Variants in PDGFD observed in about 807,000 individuals in gnomAD.
PDGFD encodes platelet derived growth factor D, also known as platelet-derived growth factor D.
PDGFD carries 30 observed loss-of-function variants against 44.7 expected under a neutral mutation model. The ratio of observed to expected loss-of-function variants is 0.67; its 90% confidence interval spans 0.50 to 0.91. The LOEUF is 0.91. Ranked by LOEUF, PDGFD falls within the 40% of genes least tolerant of loss-of-function variation. The pLI is 0.00. For synonymous variants in PDGFD, 173 were observed against 168.4 expected, an observed-to-expected ratio of 1.03 and a Z score of -0.21; for missense variants, 445 against 457.8, an observed-to-expected ratio of 0.97 and a Z score of 0.25.
At chr11:104,091,659 AC>A (rs1456857850) in intron 1 of PDGFD, among the ~76,000 whole-genome samples, 1 of 152,130 alleles carries the variant, frequency 6.6e-6, no homozygotes, top group East Asian at 1.9e-4. Flanking sequence ...GCGAAGACTT[AC>A]TCCTTAGGAA....
chr11:104,069,815 G>A (rs574692833), intron 1 of PDGFD, among the ~76,000 whole-genome samples: 2 of 152,160 alleles, frequency 1.3e-5, no homozygotes, highest in Admixed American at 6.5e-5. Context: ...AGTCTAGCTC[G>A]TGCCACTGCA....
chr11:104,064,417 C>T (rs1003691847), intron 1 of PDGFD, among the ~76,000 whole-genome samples: 3 of 152,186 alleles, frequency 2.0e-5, no homozygotes, highest in Non-Finnish European at 2.9e-5. Flanking sequence ...CATAACTATC[C>T]TTTCCGTGAG....
At chr11:103,959,254 T>A (rs748410658) in intron 3 of PDGFD, among the ~76,000 whole-genome samples, 1 of 152,218 alleles carries the variant, frequency 6.6e-6, no homozygotes, top group African/African-American at 2.4e-5. Context: ...CCACCCATCA[T>A]AATTATCATT....
chr11:104,003,618 T>C (rs1300797287), intron 1 of PDGFD, among the ~76,000 whole-genome samples: 1 of 152,232 alleles, frequency 6.6e-6, no homozygotes, highest in Non-Finnish European at 1.5e-5. Context: ...GTATTATTGA[T>C]ACTCAAGGAT....
intron 1 of PDGFD, among the ~76,000 whole-genome samples, chr11:104,058,509 G>A (rs1055154970): frequency 2.6e-5 from 4 of 152,194 alleles, no homozygotes; most frequent in Admixed American, 1.3e-4. Flanking sequence ...ACAGGCAACA[G>A]AGAATGCTGG....
intron 6 of PDGFD, among the ~76,000 whole-genome samples, chr11:103,923,210 A>T (rs1347501844): frequency 6.6e-6 from 1 of 152,172 alleles, no homozygotes; most frequent in Non-Finnish European, 1.5e-5. Context: ...TATATCTAGT[A>T]TATTCCAAGA....
At chr11:103,977,361 ATACCAAAACC>A (rs746738951) in intron 3 of PDGFD, among the ~76,000 whole-genome samples, 2 of 152,174 alleles carry the variant, frequency 1.3e-5, no homozygotes, top group Non-Finnish European at 2.9e-5. Context: ...CATCATCCTG[ATACCAAAACC>A]TGGCAGAGAC....
intron 1 of PDGFD, among the ~76,000 whole-genome samples, chr11:104,109,718 T>C (rs1387709300): frequency 6.6e-6 from 1 of 152,092 alleles, no homozygotes; most frequent in African/African-American, 2.4e-5. Flanking sequence ...TTAAAATTAA[T>C]GAGTTATGGT....
intron 1 of PDGFD, among the ~76,000 whole-genome samples, chr11:104,117,011 C>T (rs183928680): frequency 1.3e-4 from 19 of 151,918 alleles, no homozygotes; most frequent in Middle Eastern, 3.4e-3. Context: ...AGTGTGCAAA[C>T]GGACCAATAT....
chr11:103,929,925 C>CGA (rs1235568927), intron 5 of PDGFD, among the ~76,000 whole-genome samples: 1 of 151,982 alleles, frequency 6.6e-6, no homozygotes, highest in African/African-American at 2.4e-5. Context: ...TGGTGTCAAC[C>CGA]GAGAGAGAGG....
intron 1 of PDGFD, among the ~76,000 whole-genome samples, chr11:104,042,224 T>C (rs948348270): frequency 8.5e-5 from 13 of 152,234 alleles, no homozygotes; most frequent in African/African-American, 3.1e-4. Flanking sequence ...TAGCTACCAT[T>C]CCACAATTTT....
chr11:104,049,747 C>A (rs1397803349), intron 1 of PDGFD, among the ~76,000 whole-genome samples: 1 of 152,074 alleles, frequency 6.6e-6, no homozygotes, highest in Non-Finnish European at 1.5e-5. Flanking sequence ...TCATGAAGAA[C>A]AGGGGGGTCA....
chr11:104,025,344 T>G (rs1228234414), intron 1 of PDGFD, among the ~76,000 whole-genome samples: 4 of 152,240 alleles, frequency 2.6e-5, no homozygotes, highest in African/African-American at 7.2e-5. Flanking sequence ...GCAAATCCAC[T>G]GTGTCTAGCT....
At chr11:103,992,031 C>A (rs573861145) in intron 3 of PDGFD, among the ~76,000 whole-genome samples, 1 of 152,152 alleles carries the variant, frequency 6.6e-6, no homozygotes, top group Non-Finnish European at 1.5e-5. Flanking sequence ...CATTTGTTCT[C>A]CAGCAAAGTA....
intron 1 of PDGFD, chr11:104,036,785 C>CA: frequency 6.5e-7 from 1 of 1,549,086 alleles, no homozygotes; most frequent in Non-Finnish European, 8.9e-7. Context: ...GTGAGCCGCC[C>CA]ATGCCCTCTG....
At chr11:103,998,032 G>A (rs77858746) in intron 2 of PDGFD, among the ~76,000 whole-genome samples, 5,272 of 152,146 alleles carry the variant, frequency 0.035, 325 homozygotes, top group African/African-American at 0.12. Flanking sequence ...GATGTCAAAA[G>A]GACTCACTGC....
intron 1 of PDGFD, among the ~76,000 whole-genome samples, chr11:104,146,213 T>C (rs955625052): frequency 2.6e-5 from 4 of 152,218 alleles, no homozygotes; most frequent in South Asian, 2.1e-4. Flanking sequence ...TCACACAACA[T>C]TTAATTAAAT....
intron 3 of PDGFD, among the ~76,000 whole-genome samples, chr11:103,951,456 T>C (rs1470882681): frequency 2.0e-5 from 3 of 152,328 alleles, no homozygotes; most frequent in Middle Eastern, 6.8e-3. Flanking sequence ...ATCAAATCAC[T>C]TCTGTCGTCT....
At chr11:104,157,895 C>T (rs10791675) in intron 1 of PDGFD, among the ~76,000 whole-genome samples, 89,814 of 151,994 alleles carry the variant, frequency 0.59, 26,979 homozygotes, top group East Asian at 0.71. Context: ...TTCAAAACAA[C>T]ATGCTCTACA....
Sources: allele counts gnomAD v4.1 joint callset (sites outside exome capture counted in the v4.1 genomes callset), GRCh38; gene constraint gnomAD v4.1.1; transcripts MANE v1.5; gene names NCBI Gene and HGNC (gene_info 2026-07-23, HGNC 2026-07-21).